Variants in PTPRS observed in about 807,000 individuals in gnomAD.
The protein encoded by PTPRS is protein tyrosine phosphatase receptor type S, also known as receptor-type tyrosine-protein phosphatase S.
In PTPRS, 63 loss-of-function variants were observed where a neutral mutation model predicts 215.3. The observed-to-expected ratio is 0.29, with a 90% CI of 0.24 to 0.36. The LOEUF is 0.36. PTPRS is among the 10% of genes least tolerant of loss of function. The probability of loss-of-function intolerance (pLI) is 1.00; values close to 1 mark genes in which losing one functional copy is unlikely to be tolerated. For missense variants in PTPRS, 2,258 were observed against 2,825.8 expected, an observed-to-expected ratio of 0.80 and a Z score of 4.56; for synonymous variants, 1,404 against 1,191.4, an observed-to-expected ratio of 1.18 and a Z score of -3.68.
Position 5,268,050 on chromosome 19 carries a change from G to A in PTPRS, c.380-2854C>T, listed in dbSNP as rs1335172095. ...CCGGGCTTGGTGACGGGCACCTGTAGTCCCAGCTACTCGGGAGGCTGAGGC... is the reference window on the plus strand; with the variant it reads ...CCGGGCTTGGTGACGGGCACCTGTAATCCCAGCTACTCGGGAGGCTGAGGC... On this transcript the variant is annotated intron_variant, in intron 4 of 37. Coordinates refer to ENST00000262963, the MANE Select transcript of PTPRS (RefSeq NM_002850.4). Among the ~76,000 whole-genome samples the A allele has an allele frequency of 3.3e-5, 5 of 152,056 alleles. No homozygotes were observed. In the East Asian group the frequency reaches 9.8e-4, roughly 30 times the overall value.
chr19:5,285,985 C>G, intron 2 of PTPRS, 65 bp downstream of exon 2: 1 of 1,488,024 alleles, frequency 6.7e-7, no homozygotes, highest in Non-Finnish European at 9.2e-7. Context: ...CACACACACA[C>G]AGCCATAAAT....
At position 5,206,621 on chromosome 19, in the gene PTPRS, G is replaced by A; in HGVS notation, c.*153C>T. ...CCGGGGCCGGTGGGGGGGCTCGAGG[G>A]GCTGCGTCGTCCTCGGAAATGGTGC... On this transcript the variant is annotated 3_prime_UTR_variant, in exon 38 of 38. Coordinates refer to ENST00000262963, the MANE Select transcript of PTPRS (RefSeq NM_002850.4). 1.6e-6 allele frequency: 1 copy of A among 639,408 alleles called. No individual in the cohort carries two copies. Among genetic ancestry groups the A allele is most frequent in the Non-Finnish European group, 2.7e-6 (1 of 373,416 alleles). 39.6% of individuals were successfully genotyped at this position (639,408 alleles called of 1,614,324 possible). A position where few individuals can be genotyped will look rare whatever the true frequency, so the allele number is the denominator to read the frequency against.
At position 5,277,234 on chromosome 19, in the gene PTPRS, A is replaced by T. The variant is rs547903329; in HGVS notation, c.92-2890T>A. ...ACAGCCACGCCTGGCTAATTTTTTT[A>T]TTTTTTTTCCCCGAGGGCTGCAACA... On this transcript the variant is annotated intron_variant, in intron 2 of 37. Transcript: ENST00000262963. 1.5e-3 allele frequency among the ~76,000 whole-genome samples: 231 copies of T among 150,876 alleles called. 1 individual carries two copies. The highest frequency in any genetic ancestry group is 5.3e-3 in the African/African-American group (220 of 41,136).
chr19:5,333,317 T>A (rs11667623), intron 1 of PTPRS, among the ~76,000 whole-genome samples: 102,707 of 146,330 alleles, frequency 0.7, 35,839 homozygotes, highest in African/African-American at 0.77. Flanking sequence ...AAAAAAAAAA[T>A]AAATAAATAA....
At chr19:5,220,829 CAATGACCCATGAGAAGCATTGAATCTTG>C (rs68028250) in intron 20 of PTPRS, among the ~76,000 whole-genome samples, 143 bp downstream of exon 20, 18 of 152,138 alleles carry the variant, frequency 1.2e-4, no homozygotes, top group Non-Finnish European at 2.4e-4. Flanking sequence ...CATTTAGTGA[CAATGACCCATGAGAAGCATTGAATCTTG>C]GATGACCCCA....
intron 13 of PTPRS, among the ~76,000 whole-genome samples, chr19:5,234,943 C>CTTT (rs113097365): frequency 2.9e-5 from 4 of 137,830 alleles, no homozygotes; most frequent in Non-Finnish European, 4.7e-5. Flanking sequence ...TTCTTTCTTT[C>CTTT]TTTTTTTTTT....
intron 25 of PTPRS, 59 bp downstream of exon 25, chr19:5,218,361 C>T: frequency 6.6e-7 from 1 of 1,511,380 alleles, no homozygotes; most frequent in Non-Finnish European, 9.1e-7. Flanking sequence ...GCAGCTACTG[C>T]TTCTCCCCAG....
At chr19:5,267,095 C>T (rs1313919279) in intron 4 of PTPRS, among the ~76,000 whole-genome samples, 2 of 152,186 alleles carry the variant, frequency 1.3e-5, no homozygotes, top group African/African-American at 2.4e-5. Flanking sequence ...TGGTTGAGCA[C>T]TCAATCCTCC....
At chr19:5,251,770 T>A (rs1448371716) in intron 9 of PTPRS, among the ~76,000 whole-genome samples, 1 of 151,814 alleles carries the variant, frequency 6.6e-6, no homozygotes, top group Admixed American at 6.6e-5. Context: ...CTCCCCGATG[T>A]GATGAGGGTG....
rs1034186659 is a variant in PTPRS, at chr19:5,253,702, C to G, written c.718+2406G>C. ...CTGAGCAAATGAATTAGCTTCTGCC[C>G]TACAATTATTTTTAAAAGTTTCCCA... is the stretch of plus-strand genomic sequence containing the variant. On this transcript the variant is annotated intron_variant, in intron 9 of 37. Transcript: ENST00000262963. Among the ~76,000 whole-genome samples, 29 of 152,256 alleles carry G rather than the reference C, an allele frequency of 1.9e-4. 1 individual carries two copies. The highest frequency in any genetic ancestry group is 1.4e-3 in the Admixed American group (21 of 15,294).
At chr19:5,238,507 G>A (rs978675238) in intron 13 of PTPRS, among the ~76,000 whole-genome samples, 4 of 152,152 alleles carry the variant, frequency 2.6e-5, no homozygotes, top group African/African-American at 9.7e-5. Flanking sequence ...GATGGGGTGC[G>A]AGCCGTGACC....
intron 1 of PTPRS, among the ~76,000 whole-genome samples, chr19:5,316,383 TTTTTTTTC>T (rs1019219528): frequency 1.4e-5 from 2 of 142,728 alleles, no homozygotes; most frequent in African/African-American, 5.1e-5. Flanking sequence ...CTGATTGGGT[TTTTTTTTC>T]TTTCTTTCTT....
intron 14 of PTPRS, among the ~76,000 whole-genome samples, chr19:5,229,940 T>C (rs1219948569): frequency 7.0e-6 from 1 of 143,518 alleles, no homozygotes; most frequent in Non-Finnish European, 1.5e-5. Flanking sequence ...TCCCAGGGCC[T>C]CCAGACACCC....
chr19:5,307,357 C>T (rs2049530992), intron 1 of PTPRS, among the ~76,000 whole-genome samples: 1 of 146,722 alleles, frequency 6.8e-6, no homozygotes, highest in South Asian at 2.2e-4. Context: ...ATAAAAATAA[C>T]AGTACAAGAG....
chr19:5,239,682 C>T (rs1021605138), intron 12 of PTPRS, among the ~76,000 whole-genome samples: 8 of 147,408 alleles, frequency 5.4e-5, no homozygotes, highest in Admixed American at 1.4e-4. Flanking sequence ...GAGAGAGAGA[C>T]AGAAATAGAG....
intron 25 of PTPRS, among the ~76,000 whole-genome samples, chr19:5,217,187 C>G (rs192050716): frequency 4.8e-4 from 73 of 152,288 alleles, no homozygotes; most frequent in Non-Finnish European, 4.4e-5. Flanking sequence ...AGGACAGCAA[C>G]CATCAGTTAA....
chr19:5,323,285 G>A (rs1051707358), intron 1 of PTPRS, among the ~76,000 whole-genome samples: 2 of 152,146 alleles, frequency 1.3e-5, no homozygotes, highest in East Asian at 3.9e-4. Context: ...CTTCAATCCG[G>A]GAGGCAGAGG....
In PTPRS at chr19:5,206,607, G is replaced by T. The variant is rs2040384165; in HGVS notation, c.*167C>A. 3.5e-6 allele frequency: 2 copies of T among 577,394 alleles called. No homozygotes were observed. The highest frequency in any genetic ancestry group is 3.2e-5 in the East Asian group (1 of 31,492). The allele number at this position is 577,394 out of a possible 1,614,324, so 35.8% of individuals were successfully genotyped here. ...GGTCGCTGGGGCGGCCGGGGCCGGTGGGGGGGCTCGAGGGGCTGCGTCGTC... is the reference window on the plus strand; with the variant it reads ...GGTCGCTGGGGCGGCCGGGGCCGGTTGGGGGGCTCGAGGGGCTGCGTCGTC... On this transcript the variant is annotated 3_prime_UTR_variant, in exon 38 of 38. Transcript: ENST00000262963.
Position 5,222,005 on chromosome 19 carries a change from A to C in PTPRS, c.3201+118T>G, listed in dbSNP as rs558543035. The C allele has an allele frequency of 1.1e-4, 89 of 794,414 alleles. 2 individuals are homozygous for C. In the East Asian group the frequency reaches 1.7e-3, roughly 15 times the overall value. The allele number at this position is 794,414 out of a possible 1,614,324, so 49.2% of individuals were successfully genotyped here. On this transcript the variant is annotated intron_variant, in intron 19 of 37. Transcript: ENST00000262963. ...TAAGCCTCAATCCTAGCTGAGACCC[A>C]TCTCTGACTGAGCCCTGATCCCTCA...
Sources: allele counts gnomAD v4.1 joint callset (sites outside exome capture counted in the v4.1 genomes callset), GRCh38; gene constraint gnomAD v4.1.1; transcripts MANE v1.5; gene names NCBI Gene and HGNC (gene_info 2026-07-23, HGNC 2026-07-21).